The following DNAH1 variants were observed in gnomAD, a reference collection of about 807,000 sequenced individuals.
The protein encoded by DNAH1 is axonemal beta dynein heavy chain 1.
DNAH1 carries 327 observed loss-of-function variants against 484.3 expected under a neutral mutation model. The observed-to-expected ratio is 0.68, with a 90% CI of 0.62 to 0.74. DNAH1 has a LOEUF of 0.74. Ranked by LOEUF, DNAH1 falls within the 30% of genes least tolerant of loss-of-function variation. The pLI, the probability that DNAH1 is intolerant of heterozygous loss-of-function variation, is 0.00. For synonymous variants in DNAH1, 2,192 were observed against 2,191.9 expected, an observed-to-expected ratio of 1.00 and a Z score of 0.00; for missense variants, 5,052 against 5,546.8, an observed-to-expected ratio of 0.91 and a Z score of 2.83.
chr3:52,382,363 G>T lies in DNAH1; in HGVS notation c.7849G>T (p.Gly2617Cys). 1 of 1,613,986 alleles carries T rather than the reference G, an allele frequency of 6.2e-7. No homozygotes were observed. Among genetic ancestry groups the T allele is most frequent in the East Asian group, 2.2e-5 (1 of 44,884 alleles). ...CCAGATTGAACTATCCAAGAACTAC[G>T]GCATGTCCGAGTGGCGAGATGATGT... ...CFQIELSKNY[G>C]MSEWRDDVKK... The change falls in exon 50 of 78, where the codon GGC (glycine) becomes TGC (cysteine). Residue 2617 changes from glycine to cysteine, a missense_variant. By Grantham distance (159) the Gly-to-Cys change is radical (BLOSUM62 -3). Around this residue, in one of 4 missense-constraint regions of DNAH1, gnomAD observed 2,929 missense variants for 3,409.4 expected, o/e 0.86. Transcript: ENST00000420323.
At position 52,353,906 on chromosome 3, in the gene DNAH1, G is replaced by C. The variant is rs540567652; in HGVS notation, c.3480+273G>C. 2.2e-6 allele frequency: 1 copy of C among 444,730 alleles called. No homozygotes were observed. The highest frequency in any genetic ancestry group is 4.1e-6 in the Non-Finnish European group (1 of 242,860). 27.5% of individuals were successfully genotyped at this position (444,730 alleles called of 1,614,324 possible). On this transcript the variant is annotated intron_variant, in intron 20 of 77. Transcript: ENST00000420323. The surrounding 1 kb of genome is among the most constrained non-coding windows in gnomAD (Gnocchi z 5.0). ...GCATTAGCCTCAATTTAACAGATGT[G>C]TCAGGCCGGGTGCAGTGACACATGC... is the stretch of plus-strand genomic sequence containing the variant.
chr3:52,348,105 T>C (rs1702221739), intron 12 of DNAH1, 131 bp downstream of exon 12: 8 of 921,930 alleles, frequency 8.7e-6, no homozygotes, highest in Non-Finnish European at 1.3e-5. Context: ...TGCTCAGCCC[T>C]GTAAATCTCA....
chr3:52,342,994 G>C (rs531703448), intron 8 of DNAH1, among the ~76,000 whole-genome samples: 1 of 152,296 alleles, frequency 6.6e-6, no homozygotes, highest in East Asian at 1.9e-4. Flanking sequence ...AGGACCCCTG[G>C]CACAGGCCAA....
At chr3:52,386,536 C>A in intron 55 of DNAH1, 126 bp from the exon 56 acceptor site, 1 of 1,285,828 alleles carries the variant, frequency 7.8e-7, no homozygotes, top group Non-Finnish European at 1.1e-6. Flanking sequence ...CTCGGTGGAT[C>A]TCTGGATATG....
intron 16 of DNAH1, among the ~76,000 whole-genome samples, chr3:52,351,280 C>T (rs1426308051): frequency 6.6e-6 from 1 of 152,184 alleles, no homozygotes; most frequent in East Asian, 1.9e-4. Flanking sequence ...TTTGTCCCCA[C>T]CCAAGTCAAA....
At chr3:52,317,609 A>G (rs1404506419) in intron 1 of DNAH1, among the ~76,000 whole-genome samples, 2 of 152,182 alleles carry the variant, frequency 1.3e-5, no homozygotes, top group African/African-American at 4.8e-5. Flanking sequence ...TTCGCTGCTT[A>G]CTCTAAAAGG....
Position 52,375,224 on chromosome 3 carries a change from C to T in DNAH1, c.6986-16C>T, listed in dbSNP as rs1340263421. 6.3e-7 allele frequency: 1 copy of T among 1,590,328 alleles called. No homozygotes were observed. The highest frequency in any genetic ancestry group is 1.1e-5 in the South Asian group (1 of 87,192). ...CCCTGGCCAGGGCCCTTCCTGACTTCCTGCCCCTACTCCAGGTGCCTTCAA... is the reference window on the plus strand; with the variant it reads ...CCCTGGCCAGGGCCCTTCCTGACTTTCTGCCCCTACTCCAGGTGCCTTCAA... On this transcript the variant is annotated splice_polypyrimidine_tract_variant and intron_variant, in intron 44 of 77. Transcript: ENST00000420323.
At chr3:52,380,720 G>A (rs1003231321) in intron 48 of DNAH1, among the ~76,000 whole-genome samples, 3 of 152,202 alleles carry the variant, frequency 2.0e-5, no homozygotes, top group African/African-American at 7.2e-5. Flanking sequence ...AGGGTATGCT[G>A]TGGCAGGTGA....
At position 52,392,485 on chromosome 3, in the gene DNAH1, G is replaced by T; in HGVS notation, c.10074G>T (p.Leu3358=). 6.2e-7 allele frequency: 1 copy of T among 1,613,732 alleles called. No homozygotes were observed. The highest frequency in any genetic ancestry group is 1.3e-5 in the African/African-American group (1 of 75,036). ...LSPSGLEDQL[L]GQVVAEERPD... ...GCAGTGGCCTAGAGGACCAGCTACTGGGCCAGGTAGTGGCAGAGGAGCGAC... is the reference window on the plus strand; with the variant it reads ...GCAGTGGCCTAGAGGACCAGCTACTTGGCCAGGTAGTGGCAGAGGAGCGAC... Residue 3358 remains leucine, a synonymous_variant, in exon 64 of 78, where the codon CTG becomes CTT. Transcript: ENST00000420323.
At position 52,395,280 on chromosome 3, in the gene DNAH1, G is replaced by A. The variant is rs761925193; in HGVS notation, c.10969-28G>A. On this transcript the variant is annotated intron_variant, in intron 68 of 77. Coordinates refer to ENST00000420323, the MANE Select transcript of DNAH1 (RefSeq NM_015512.5). This position sits in a 1 kb window ranked among gnomAD's most constrained non-coding sequence, Gnocchi z 4.4. ...CCCGATCTCTCTGCAGCCCCAGGTGGTCTCAGCATCTCCCCCTGCCCTTGC... is the reference window on the plus strand; with the variant it reads ...CCCGATCTCTCTGCAGCCCCAGGTGATCTCAGCATCTCCCCCTGCCCTTGC... 5 of 1,607,662 alleles carry A rather than the reference G, an allele frequency of 3.1e-6. No homozygotes were observed. In the East Asian group the frequency reaches 8.9e-5, roughly 29 times the overall value.
intron 55 of DNAH1, 54 bp downstream of exon 55, chr3:52,386,399 C>T (rs1559560665): frequency 6.7e-7 from 1 of 1,497,980 alleles, no homozygotes; most frequent in African/African-American, 1.4e-5. Context: ...TGTCCTCAAG[C>T]CTTCCCTCTG....
At chr3:52,318,482 C>A (rs1270585917) in intron 1 of DNAH1, among the ~76,000 whole-genome samples, 1 of 152,236 alleles carries the variant, frequency 6.6e-6, no homozygotes, top group Admixed American at 6.5e-5. Context: ...AGAGTTGTTA[C>A]AGAGGTCAAC....
intron 8 of DNAH1, among the ~76,000 whole-genome samples, chr3:52,340,530 G>A (rs1160194888): frequency 6.6e-6 from 1 of 152,000 alleles, no homozygotes; most frequent in Non-Finnish European, 1.5e-5. Flanking sequence ...TGCCCTCTGT[G>A]TTGAAATGAT....
chr3:52,352,836 A>G, intron 18 of DNAH1, 129 bp downstream of exon 18: 1 of 1,376,746 alleles, frequency 7.3e-7, no homozygotes, highest in South Asian at 1.4e-5. Flanking sequence ...GAGTGGAGAT[A>G]GCCCAACCCT....
chr3:52,365,072 A>C (rs1483929275), intron 34 of DNAH1, 53 bp downstream of exon 34: 1 of 1,565,038 alleles, frequency 6.4e-7, no homozygotes, highest in East Asian at 2.3e-5. Flanking sequence ...GCCACCTTGG[A>C]GTCCAGGTCA....
chr3:52,388,698 G>A (rs551325290), intron 58 of DNAH1, 89 bp downstream of exon 58: 4 of 1,605,290 alleles, frequency 2.5e-6, no homozygotes, highest in African/African-American at 2.7e-5. Context: ...TCCTGGGGTG[G>A]CTGTCCACAC....
At chr3:52,398,619 G>A (rs1578210803) in intron 75 of DNAH1, among the ~76,000 whole-genome samples, 1 of 152,102 alleles carries the variant, frequency 6.6e-6, no homozygotes, top group Admixed American at 6.6e-5. Context: ...TTCACATTTT[G>A]TAGACGAGTA....
In DNAH1 at chr3:52,392,684, A is replaced by C. The variant is rs1363646401; in HGVS notation, c.10273A>C (p.Ile3425Leu). ...LEASKMKAAEIQAKVRIAEQT... is the reference protein window; with the variant it reads ...LEASKMKAAELQAKVRIAEQT... ...AGCCTCCAAGATGAAGGCTGCTGAG[A>C]TCCAGGTCAGCTGCTGCCTGCCCAC... Residue 3425 changes from isoleucine (I) to leucine (L), a missense_variant, in exon 64 of 78, where the codon ATC becomes CTC. Around this residue, in one of 4 missense-constraint regions of DNAH1, gnomAD observed 2,929 missense variants for 3,409.4 expected, o/e 0.86. Coordinates refer to ENST00000420323, the MANE Select transcript of DNAH1 (RefSeq NM_015512.5). 6.3e-7 allele frequency: 1 copy of C among 1,598,380 alleles called. No individual in the cohort carries two copies. The highest frequency in any genetic ancestry group is 1.3e-5 in the African/African-American group (1 of 74,610).
intron 12 of DNAH1, among the ~76,000 whole-genome samples, chr3:52,348,465 C>A (rs996247133): frequency 6.6e-6 from 1 of 152,204 alleles, no homozygotes; most frequent in Admixed American, 6.5e-5. Flanking sequence ...CCACCAGTCA[C>A]TGCCACTGCA....
Sources: gnomAD v4.1 joint callset for allele counts (sites outside exome capture counted in the v4.1 genomes callset) on GRCh38, gnomAD v4.1.1 for gene constraint, gnomAD v4.1.1 regional missense constraint, Gnocchi (gnomAD v3.1) non-coding constraint, MANE v1.5 for transcripts, NCBI Gene and HGNC (gene_info 2026-07-23, HGNC 2026-07-21) for gene names.